YLPM1: variants seen among roughly 807,000 people sequenced by gnomAD.
YLPM1 encodes the protein YLP motif containing 1, also known as YLP motif-containing protein 1.
YLPM1 carries 99 observed loss-of-function variants against 230.0 expected under a neutral mutation model. The observed-to-expected ratio is 0.43, with a 90% confidence interval of 0.37 to 0.51. The LOEUF (loss-of-function observed/expected upper bound fraction) is 0.51. Ranked by LOEUF, YLPM1 falls within the 20% of genes least tolerant of loss-of-function variation. YLPM1 has a pLI of 0.00. For synonymous variants in YLPM1, 984 were observed against 942.5 expected (o/e 1.04, Z -0.81); for missense variants, 2,592 against 2,707.7 (o/e 0.96, Z 0.95).
At chr14:74,774,229 A>G (rs933331388) in intron 1 of YLPM1, among the ~76,000 whole-genome samples, 2 of 152,106 alleles carry the variant, frequency 1.3e-5, no homozygotes, top group Non-Finnish European at 2.9e-5. Context: ...CACACAGTAC[A>G]CAGTAGAGTA....
chr14:74,806,826 T>C (rs1297242144), intron 6 of YLPM1, among the ~76,000 whole-genome samples: 1 of 151,594 alleles, frequency 6.6e-6, no homozygotes, highest in Non-Finnish European at 1.5e-5. Context: ...TTAAATTAAC[T>C]CATTATCCTT....
At chr14:74,769,295 G>A (rs1312636323) in intron 1 of YLPM1, among the ~76,000 whole-genome samples, 1 of 80,698 alleles carries the variant, frequency 1.2e-5, no homozygotes, top group African/African-American at 4.8e-5. Context: ...TTTTGGAGAC[G>A]AAGTCTCACT....
chr14:74,824,272 G>C lies in YLPM1; in HGVS notation c.6128G>C (p.Ser2043Thr), dbSNP rs2091545783. 6.2e-7 allele frequency: 1 copy of C among 1,612,286 alleles called. No homozygotes were observed. Among genetic ancestry groups the C allele is most frequent in the Non-Finnish European group, 8.5e-7 (1 of 1,178,848 alleles). Residue 2043 changes from serine (S) to threonine (T), a missense_variant, in exon 18 of 21, where the codon AGC becomes ACC. This residue lies in a region of YLPM1 where 315 missense variants were observed against 429.3 expected (regional missense o/e 0.73). Transcript: ENST00000325680. ...EESELGYIPKSKWEMDTSEAK... is the reference protein window; with the variant it reads ...EESELGYIPKTKWEMDTSEAK... Reference sequence around the variant, plus strand: ...ACGATTTAGGGTTACATTCCGAAAAGCAAATGGGAGATGGACACATCTGAG... The same window carrying C: ...ACGATTTAGGGTTACATTCCGAAAACCAAATGGGAGATGGACACATCTGAG...
chr14:74,826,652 G>C (rs892151825), intron 18 of YLPM1, among the ~76,000 whole-genome samples: 3 of 152,216 alleles, frequency 2.0e-5, no homozygotes, highest in Admixed American at 6.5e-5. Context: ...GCCTGTGCCT[G>C]AATGTTAAAT....
intron 4 of YLPM1, among the ~76,000 whole-genome samples, chr14:74,782,687 G>C (rs1047823502): frequency 1.7e-4 from 26 of 152,254 alleles, no homozygotes; most frequent in African/African-American, 6.3e-4. Context: ...CTATTTGTTA[G>C]ATAATTTGTT....
At chr14:74,807,138 G>T (rs1055032688) in intron 6 of YLPM1, among the ~76,000 whole-genome samples, 8 of 151,960 alleles carry the variant, frequency 5.3e-5, no homozygotes, top group Admixed American at 2.0e-4. Context: ...TGTTCCTTCT[G>T]TATTAGTCAA....
At chr14:74,767,423 A>G (rs897975526) in intron 1 of YLPM1, among the ~76,000 whole-genome samples, 1 of 152,188 alleles carries the variant, frequency 6.6e-6, no homozygotes, top group Admixed American at 6.5e-5. Flanking sequence ...TCAGAGTCCA[A>G]ACAGAATACT....
chr14:74,825,370 A>ACAT (rs2091553547), intron 18 of YLPM1, among the ~76,000 whole-genome samples: 1 of 152,126 alleles, frequency 6.6e-6, no homozygotes, highest in African/African-American at 2.4e-5. Context: ...CATTACTGGT[A>ACAT]TAGGTGCTTT....
chr14:74,786,235 G>T (rs1255082605), intron 4 of YLPM1, among the ~76,000 whole-genome samples: 1 of 151,616 alleles, frequency 6.6e-6, no homozygotes, highest in Non-Finnish European at 1.5e-5. Context: ...GGTAACATGC[G>T]CCTGTAGTCC....
intron 1 of YLPM1, among the ~76,000 whole-genome samples, chr14:74,770,139 G>T (rs1423913530): frequency 6.6e-6 from 1 of 150,812 alleles, no homozygotes; most frequent in Non-Finnish European, 1.5e-5. Flanking sequence ...CCGAGATCGC[G>T]CCACTGCACT....
intron 1 of YLPM1, among the ~76,000 whole-genome samples, chr14:74,769,414 G>A (rs2090951288): frequency 6.6e-6 from 1 of 151,692 alleles, no homozygotes; most frequent in Non-Finnish European, 1.5e-5. Context: ...ACTCCCAGGA[G>A]TAGCTGGGAT....
intron 6 of YLPM1, among the ~76,000 whole-genome samples, chr14:74,806,177 T>C (rs1269045551): frequency 2.0e-5 from 3 of 150,884 alleles, no homozygotes; most frequent in African/African-American, 7.3e-5. Flanking sequence ...GCCAACATGG[T>C]GAAACCCCGT....
chr14:74,778,155 T>G (rs2091059951), intron 1 of YLPM1, among the ~76,000 whole-genome samples: 1 of 152,172 alleles, frequency 6.6e-6, no homozygotes, highest in Non-Finnish European at 1.5e-5. Flanking sequence ...CCCTGATCAT[T>G]TATCAAAAAG....
At position 74,802,615 on chromosome 14, in the gene YLPM1, A is replaced by G; in HGVS notation, c.4460A>G (p.Asp1487Gly). ...TTCGGGTCTGAGCCACAGATGGCTGACCATCTACCACCTCAGGAATCAAGA... is the reference window on the plus strand; with the variant it reads ...TTCGGGTCTGAGCCACAGATGGCTGGCCATCTACCACCTCAGGAATCAAGA... ...KDFGSEPQMADHLPPQESRLQ... is the reference protein window; with the variant it reads ...KDFGSEPQMAGHLPPQESRLQ... Residue 1487 changes from aspartate (D) to glycine (G), a missense_variant, in exon 6 of 21, where the codon GAC becomes GGC. Asp to Gly is a moderately conservative substitution (Grantham distance 94). Transcript: ENST00000325680. The G allele has an allele frequency of 6.2e-7, 1 of 1,613,486 alleles. No individual in the cohort carries two copies.
chr14:74,786,361 C>CAAAAAAA (rs57016882), intron 4 of YLPM1, among the ~76,000 whole-genome samples: 1 of 80,212 alleles, frequency 1.2e-5, no homozygotes, highest in Non-Finnish European at 2.3e-5. Flanking sequence ...GACTCCGTCT[C>CAAAAAAA]AAAAAAAAAA....
intron 4 of YLPM1, among the ~76,000 whole-genome samples, chr14:74,782,910 C>G (rs2091110219): frequency 1.3e-5 from 2 of 152,090 alleles, no homozygotes; most frequent in Admixed American, 1.3e-4. Context: ...GGAGATACTT[C>G]TGTTTATCCT....
chr14:74,776,171 A>C (rs1045692876), intron 1 of YLPM1, among the ~76,000 whole-genome samples: 1 of 152,124 alleles, frequency 6.6e-6, no homozygotes, highest in Non-Finnish European at 1.5e-5. Flanking sequence ...GATTTTAATT[A>C]ATTAGTTATT....
At chr14:74,794,599 C>CTT (rs57279878) in intron 4 of YLPM1, among the ~76,000 whole-genome samples, 44 of 149,714 alleles carry the variant, frequency 2.9e-4, no homozygotes, top group East Asian at 9.8e-4. Context: ...CACACAAAGT[C>CTT]TTTTTTTTTT....
intron 11 of YLPM1, among the ~76,000 whole-genome samples, chr14:74,815,502 C>T (rs898757413): frequency 3.3e-5 from 5 of 149,854 alleles, no homozygotes; most frequent in South Asian, 2.1e-4. Context: ...GCAGAGGTTG[C>T]GATGAGCCAA....
Sources: gnomAD v4.1 joint callset for allele counts (sites outside exome capture counted in the v4.1 genomes callset) on GRCh38, gnomAD v4.1.1 for gene constraint, gnomAD v4.1.1 regional missense constraint, MANE v1.5 for transcripts, NCBI Gene and HGNC (gene_info 2026-07-23, HGNC 2026-07-21) for gene names.